The following NSMCE2 variants were observed in gnomAD, a reference collection of about 807,000 sequenced individuals.
NSMCE2 encodes E3 SUMO-protein ligase NSE2.
A neutral mutation model predicts 23.8 loss-of-function variants in NSMCE2; 24 were observed. The ratio of observed to expected loss-of-function variants is 1.01; its 90% CI spans 0.73 to 1.42. The LOEUF (loss-of-function observed/expected upper bound fraction) is 1.42. NSMCE2 is among the 40% of genes most tolerant of loss of function. The pLI is 0.00. For missense variants in NSMCE2, 284 were observed against 296.5 expected (o/e 0.96, Z 0.31); for synonymous variants, 92 against 94.1 (o/e 0.98, Z 0.13).
In NSMCE2 at chr8:125,151,869, A is replaced by G. The variant is rs558154804; in HGVS notation, c.264+592A>G. 2.0e-5 allele frequency among the ~76,000 whole-genome samples: 3 copies of G among 152,294 alleles called. No individual in the cohort carries two copies. In the South Asian group the frequency reaches 6.2e-4, roughly 32 times the overall value. ...CTGTGTTGAGTAAGAAATGAGCAAT[A>G]CGATTGCAGTCATGTTTCTGAGAAG... is the stretch of plus-strand genomic sequence containing the variant. On this transcript the variant is annotated intron_variant, in intron 4 of 7. Transcript: ENST00000287437.
At chr8:125,233,646 C>T (rs1467972107) in intron 5 of NSMCE2, among the ~76,000 whole-genome samples, 1 of 152,054 alleles carries the variant, frequency 6.6e-6, no homozygotes, top group East Asian at 1.9e-4. Flanking sequence ...TCCAAGACAT[C>T]TTTGTATTAA....
chr8:125,361,615 G>T (rs1325459613), intron 7 of NSMCE2, among the ~76,000 whole-genome samples: 1 of 152,156 alleles, frequency 6.6e-6, no homozygotes, highest in East Asian at 1.9e-4. Context: ...CAAAGAAATG[G>T]TAGGGAATTC....
Position 125,178,350 on chromosome 8 carries a change from G to A in NSMCE2, c.265-3753G>A, listed in dbSNP as rs563677192. 1.6e-4 allele frequency among the ~76,000 whole-genome samples: 25 copies of A among 152,274 alleles called. No homozygotes were observed. The East Asian group carries it at 4.8e-3, about 29-fold the overall frequency. On this transcript the variant is annotated intron_variant, in intron 4 of 7. Transcript: ENST00000287437. ...CACTGAATACTGGATGAGTAAGCGG[G>A]TGGTACAGAAAAATCTGACCTTTTG... is the stretch of plus-strand genomic sequence containing the variant.
At chr8:125,141,382 A>T (rs1308699051) in intron 3 of NSMCE2, among the ~76,000 whole-genome samples, 3 of 152,192 alleles carry the variant, frequency 2.0e-5, no homozygotes, top group African/African-American at 7.2e-5. Context: ...ATTTCTGTGT[A>T]ATAGTCCAGA....
chr8:125,267,003 C>CTTTTTTTT (rs35990794), intron 5 of NSMCE2, among the ~76,000 whole-genome samples: 4 of 111,988 alleles, frequency 3.6e-5, no homozygotes, highest in Non-Finnish European at 7.0e-5. Flanking sequence ...TTTTTTCTTT[C>CTTTTTTTT]TTTTTTTTTT....
At chr8:125,234,175 A>G (rs1825446289) in intron 5 of NSMCE2, among the ~76,000 whole-genome samples, 1 of 152,154 alleles carries the variant, frequency 6.6e-6, no homozygotes, top group African/African-American at 2.4e-5. Context: ...CCTGGGCGAC[A>G]GAGCGAGACT....
chr8:125,182,198 T>C lies in NSMCE2; in HGVS notation c.360T>C (p.Phe120=). Residue 120 remains phenylalanine (F), a synonymous_variant, in exon 5 of 8, where the codon TTT becomes TTC. Transcript: ENST00000287437. Reference sequence around the variant, plus strand: ...AGAGCAAGAATTCTGATGCAGACTTTCAAAATAATGAAAAATTTGTACAGT... The same window carrying C: ...AGAGCAAGAATTCTGATGCAGACTTCCAAAATAATGAAAAATTTGTACAGT... ...ALQSKNSDAD[F]QNNEKFVQFK... is the part of the protein sequence containing the mutation. The C allele has an allele frequency of 1.9e-6, 3 of 1,608,130 alleles. No homozygotes were observed. Among genetic ancestry groups the C allele is most frequent in the Non-Finnish European group, 2.5e-6 (3 of 1,176,780 alleles).
At position 125,271,868 on chromosome 8, in the gene NSMCE2, A is replaced by C. The variant is rs376355063; in HGVS notation, c.419-85351A>C. Among the ~76,000 whole-genome samples, 3 of 152,326 alleles carry C rather than the reference A, an allele frequency of 2.0e-5. No homozygotes were observed. The East Asian group carries it at 5.8e-4, about 29-fold the overall frequency. On this transcript the variant is annotated intron_variant, in intron 5 of 7. Transcript: ENST00000287437. ...TATCTTCAAAGAATTCAGCAATATT[A>C]AATAATCTGCATAATATCTCTGTGA...
intron 3 of NSMCE2, among the ~76,000 whole-genome samples, chr8:125,143,099 C>CAT (rs1820469454): frequency 1.1e-5 from 1 of 93,012 alleles, no homozygotes; most frequent in East Asian, 2.6e-4. Flanking sequence ...TGGGTGCACG[C>CAT]ACACACACAC....
chr8:125,339,591 G>A (rs1185003304), intron 5 of NSMCE2, among the ~76,000 whole-genome samples: 1 of 152,080 alleles, frequency 6.6e-6, no homozygotes, highest in Non-Finnish European at 1.5e-5. Context: ...ACATAATGAG[G>A]CATTTGTACA....
chr8:125,261,660 T>G (rs932871555), intron 5 of NSMCE2, among the ~76,000 whole-genome samples: 1 of 151,938 alleles, frequency 6.6e-6, no homozygotes, highest in Non-Finnish European at 1.5e-5. Flanking sequence ...CCTTAAGATT[T>G]CATAACCAAG....
At chr8:125,125,102 C>T (rs967921945) in intron 3 of NSMCE2, among the ~76,000 whole-genome samples, 1 of 152,034 alleles carries the variant, frequency 6.6e-6, no homozygotes, top group Non-Finnish European at 1.5e-5. Flanking sequence ...TTTCTGCATA[C>T]AAGATCATGT....
chr8:125,333,502 G>GTTTTT (rs1308950464), intron 5 of NSMCE2, among the ~76,000 whole-genome samples: 2 of 65,830 alleles, frequency 3.0e-5, no homozygotes, highest in African/African-American at 1.2e-4. Context: ...TTTCCTGGTG[G>GTTTTT]TTCTTTTTTT....
chr8:125,226,315 A>G (rs1825088332), intron 5 of NSMCE2, among the ~76,000 whole-genome samples: 1 of 152,236 alleles, frequency 6.6e-6, no homozygotes. Context: ...TCACCAGGAA[A>G]GGAAGGTGAC....
At chr8:125,300,657 G>A (rs561338190) in intron 5 of NSMCE2, among the ~76,000 whole-genome samples, 38 of 152,286 alleles carry the variant, frequency 2.5e-4, no homozygotes, top group African/African-American at 9.1e-4. Flanking sequence ...TTTACAGTCT[G>A]TGGGCAGTGG....
intron 5 of NSMCE2, among the ~76,000 whole-genome samples, chr8:125,278,059 G>A (rs1403026308): frequency 1.3e-5 from 2 of 152,158 alleles, no homozygotes; most frequent in Non-Finnish European, 2.9e-5. Context: ...TAAACTGTCT[G>A]GGTCCAAAAT....
intron 4 of NSMCE2, among the ~76,000 whole-genome samples, chr8:125,156,817 C>CA (rs1257820531): frequency 6.6e-6 from 1 of 152,154 alleles, no homozygotes; most frequent in Non-Finnish European, 1.5e-5. Context: ...TTTGACATAG[C>CA]ACTTCCCTGT....
At chr8:125,164,073 T>G (rs1335735404) in intron 4 of NSMCE2, among the ~76,000 whole-genome samples, 1 of 152,192 alleles carries the variant, frequency 6.6e-6, no homozygotes, top group Non-Finnish European at 1.5e-5. Context: ...CAGGGCTTAC[T>G]TAAGCCAGAT....
rs374743194 is a variant in NSMCE2 at position 125,223,093 on chromosome 8, C to T, written c.418+40837C>T. On this transcript the variant is annotated intron_variant, in intron 5 of 7. Transcript: ENST00000287437. ...AAAATAAAATAAAATAAAATAAGCA[C>T]GGTGGCTCACACCTGTAATACCAGC... 2.9e-4 allele frequency among the ~76,000 whole-genome samples: 43 copies of T among 149,558 alleles called. No homozygotes were observed. In the South Asian group the frequency reaches 4.6e-3, roughly 16 times the overall value.
Sources: allele counts gnomAD v4.1 joint callset (sites outside exome capture counted in the v4.1 genomes callset), GRCh38; gene constraint gnomAD v4.1.1; transcripts MANE v1.5; gene names NCBI Gene and HGNC (gene_info 2026-07-23, HGNC 2026-07-21).